C3orf20: variants seen among roughly 807,000 people sequenced by gnomAD.
The protein encoded by C3orf20 is family with sequence similarity 149 member C.
A neutral mutation model predicts 88.3 loss-of-function variants in C3orf20; 76 were observed. The observed-to-expected ratio is 0.86, with a 90% CI of 0.72 to 1.04. The LOEUF is 1.04. Among genes scored for constraint, C3orf20 ranks in the 50% least tolerant of loss-of-function variants. The pLI, the probability that C3orf20 is intolerant of heterozygous loss-of-function variation, is 0.00. For missense variants in C3orf20, 1,056 were observed against 1,123.3 expected (o/e 0.94, Z 0.86); for synonymous variants, 436 against 437.4 (o/e 1.00, Z 0.04).
chr3:14,741,845 T>C (rs2034908560), intron 12 of C3orf20, among the ~76,000 whole-genome samples: 1 of 152,126 alleles, frequency 6.6e-6, no homozygotes, highest in Non-Finnish European at 1.5e-5. Flanking sequence ...TAATTACATA[T>C]AGATTAAGTG....
intron 12 of C3orf20, among the ~76,000 whole-genome samples, chr3:14,743,203 A>G (rs561014330): frequency 7.9e-5 from 12 of 152,108 alleles, no homozygotes; most frequent in Admixed American, 2.6e-4. Context: ...CCTAGATACA[A>G]TGGGGGTACA....
chr3:14,696,123 T>TG (rs1575100699), intron 5 of C3orf20, among the ~76,000 whole-genome samples: 1 of 151,256 alleles, frequency 6.6e-6, no homozygotes, highest in East Asian at 1.9e-4. Context: ...TTTCTTGTTT[T>TG]TTTTTTTTAT....
Position 14,772,061 on chromosome 3 carries a change from C to G in C3orf20, c.2496-6C>G, listed in dbSNP as rs1352992258. ...AGCACTGCCCCCGACCCTGCCTCCCCTGCAGTGTTCCCAACTCTGTCCTGA... is the reference window on the plus strand; with the variant it reads ...AGCACTGCCCCCGACCCTGCCTCCCGTGCAGTGTTCCCAACTCTGTCCTGA... On this transcript the variant is annotated splice_polypyrimidine_tract_variant and splice_region_variant and intron_variant, in intron 15 of 16. Transcript: ENST00000253697. The surrounding 1 kb of genome is among the most constrained non-coding windows in gnomAD (Gnocchi z 4.2). 1 of 1,614,206 alleles carries G rather than the reference C, an allele frequency of 6.2e-7. No individual in the cohort carries two copies.
At chr3:14,729,296 A>G (rs2034462281) in intron 12 of C3orf20, among the ~76,000 whole-genome samples, 2 of 152,156 alleles carry the variant, frequency 1.3e-5, no homozygotes, top group Admixed American at 1.3e-4. Flanking sequence ...CCAGATGCAA[A>G]GGATGATAAA....
At chr3:14,761,693 G>A (rs571833201) in intron 15 of C3orf20, 78 bp downstream of exon 15, 2 of 1,476,598 alleles carry the variant, frequency 1.4e-6, no homozygotes, top group Admixed American at 1.7e-5. Flanking sequence ...GGCTGTGAAA[G>A]GGGAACTGAG....
rs549210147 is a variant in C3orf20 at position 14,715,168 on chromosome 3, G to A, written c.1314-121G>A. The A allele has an allele frequency of 3.9e-6, 5 of 1,275,352 alleles. No homozygotes were observed. In the African/African-American group the frequency reaches 7.4e-5, roughly 19 times the overall value. The allele number at this position is 1,275,352 out of a possible 1,614,324, so 79.0% of individuals were successfully genotyped here. A position where few individuals can be genotyped will look rare whatever the true frequency, so the allele number is the denominator to read the frequency against. ...AGTGGGGAAAGTAAGGTTGACTGCA[G>A]GACTCCACCACTCCTCCAGCCTGGG... On this transcript the variant is annotated intron_variant, in intron 8 of 16. Coordinates refer to ENST00000253697, the MANE Select transcript of C3orf20 (RefSeq NM_032137.5).
At chr3:14,732,206 C>A (rs931761135) in intron 12 of C3orf20, among the ~76,000 whole-genome samples, 3 of 152,152 alleles carry the variant, frequency 2.0e-5, no homozygotes, top group African/African-American at 7.2e-5. Flanking sequence ...GTGGTAATAT[C>A]CCATTATCGT....
chr3:14,679,469 G>A (rs1184938841), intron 1 of C3orf20, among the ~76,000 whole-genome samples: 3 of 152,234 alleles, frequency 2.0e-5, no homozygotes, highest in African/African-American at 7.2e-5. Flanking sequence ...GGAGGTGGAT[G>A]GTTGAGTGCT....
Position 14,728,388 on chromosome 3 carries a change from G to A in C3orf20, c.1691-51G>A, listed in dbSNP as rs139092830. 779 of 1,607,398 alleles carry A rather than the reference G, an allele frequency of 4.8e-4. 4 individuals carry two copies. In the African/African-American group the frequency reaches 9.5e-3, roughly 20 times the overall value. The stretch of plus-strand genomic sequence containing the variant: ...TGTTTCCAGTCTGGGACCAGGGGCA[G>A]AGGAGTCCTGGCCATGAAGGGAAAA... On this transcript the variant is annotated intron_variant, in intron 11 of 16. Coordinates refer to ENST00000253697, the MANE Select transcript of C3orf20 (RefSeq NM_032137.5).
In C3orf20 at chr3:14,701,368, C is replaced by G. The variant is rs1297289140; in HGVS notation, c.746-1762C>G. Reference sequence around the variant, plus strand: ...CCAAAGCCAGGTTTCATCCTCAAATCCAAGGTGAAGTTAAGCCTGCATACT... The same window carrying G: ...CCAAAGCCAGGTTTCATCCTCAAATGCAAGGTGAAGTTAAGCCTGCATACT... On this transcript the variant is annotated intron_variant, in intron 5 of 16. Transcript: ENST00000253697. This position sits in a 1 kb window ranked among gnomAD's most constrained non-coding sequence, Gnocchi z 4.6. Among the ~76,000 whole-genome samples the G allele has an allele frequency of 6.6e-6, 1 of 152,104 alleles. No homozygotes were observed. The highest frequency in any genetic ancestry group is 1.5e-5 in the Non-Finnish European group (1 of 68,020).
At chr3:14,749,137 A>C (rs2035145985) in intron 12 of C3orf20, among the ~76,000 whole-genome samples, 1 of 152,126 alleles carries the variant, frequency 6.6e-6, no homozygotes, top group Non-Finnish European at 1.5e-5. Flanking sequence ...CTATTGTTAC[A>C]TGTGTATATG....
intron 12 of C3orf20, 28 bp from the exon 13 acceptor site, chr3:14,757,343 T>TGGTG (rs1372481442): frequency 2.5e-6 from 4 of 1,587,322 alleles, no homozygotes; most frequent in Non-Finnish European, 2.6e-6. Flanking sequence ...CTTCTGAGGG[T>TGGTG]CCCTGTGCAC....
chr3:14,675,847 C>A (rs113291202), intron 1 of C3orf20, among the ~76,000 whole-genome samples: 130 of 152,236 alleles, frequency 8.5e-4, no homozygotes, highest in African/African-American at 2.9e-3. Flanking sequence ...TGCACCACCA[C>A]GTCCAGCTAA....
chr3:14,735,105 T>C (rs1208802665), intron 12 of C3orf20, among the ~76,000 whole-genome samples: 1 of 151,786 alleles, frequency 6.6e-6, no homozygotes, highest in Non-Finnish European at 1.5e-5. Context: ...TTGAAAGAAT[T>C]ATATATTTTT....
intron 4 of C3orf20, among the ~76,000 whole-genome samples, chr3:14,689,540 A>G (rs958151076): frequency 1.1e-4 from 16 of 152,192 alleles, no homozygotes; most frequent in Non-Finnish European, 2.4e-4. Context: ...CAGATATCAA[A>G]CGATTCTATA....
chr3:14,759,110 A>G (rs945953627), intron 13 of C3orf20, among the ~76,000 whole-genome samples: 2 of 152,176 alleles, frequency 1.3e-5, no homozygotes, highest in African/African-American at 4.8e-5. Flanking sequence ...TGAAGTTCAT[A>G]AAGGAGTGGG....
intron 12 of C3orf20, among the ~76,000 whole-genome samples, chr3:14,752,621 G>T (rs2035251250): frequency 6.6e-6 from 1 of 152,010 alleles, no homozygotes; most frequent in Non-Finnish European, 1.5e-5. Context: ...AATCTACAAA[G>T]AACTTAAACA....
In C3orf20 at chr3:14,757,391, G is replaced by A. The variant is rs150691724; in HGVS notation, c.1961G>A (p.Arg654His). ...VTSRGKAREG[R>H]SPTRWAALPS... ...TGCAGAGGGAAGGCCCGCGAGGGGC[G>A]CAGCCCCACCAGGTGGGCGGCCTTG... Residue 654 changes from arginine to histidine, a missense_variant, in exon 13 of 17, where the codon CGC (arginine) becomes CAC (histidine). Arg to His is a conservative substitution (Grantham distance 29, BLOSUM62 0). Transcript: ENST00000253697. 394 of 1,611,344 alleles carry A rather than the reference G, an allele frequency of 2.4e-4. No individual in the cohort carries two copies. The highest frequency in any genetic ancestry group is 3.1e-4 in the Non-Finnish European group (370 of 1,179,650).
At chr3:14,686,193 C>T (rs1188955623) in intron 4 of C3orf20, among the ~76,000 whole-genome samples, 2 of 149,486 alleles carry the variant, frequency 1.3e-5, no homozygotes, top group East Asian at 2.0e-4. Flanking sequence ...GAATCATATT[C>T]GTGTGTGTGT....
Sources: allele counts gnomAD v4.1 joint callset (sites outside exome capture counted in the v4.1 genomes callset), GRCh38; gene constraint gnomAD v4.1.1; non-coding constraint Gnocchi (gnomAD v3.1); transcripts MANE v1.5; gene names NCBI Gene and HGNC (gene_info 2026-07-23, HGNC 2026-07-21).